GTF2F2: variants seen among roughly 807,000 people sequenced by gnomAD.
The protein encoded by GTF2F2 is ATP-dependent helicase GTF2F2.
Under a neutral mutation model 42.2 loss-of-function variants are expected in GTF2F2, and 23 were observed. The observed-to-expected ratio is 0.55, with a 90% CI of 0.39 to 0.77. The LOEUF is 0.77. Ranked by LOEUF, GTF2F2 falls within the 30% of genes least tolerant of loss-of-function variation. GTF2F2 has a pLI of 0.00. For synonymous variants in GTF2F2, 105 were observed against 100.8 expected (o/e 1.04, Z -0.25); for missense variants, 261 against 287.2 (o/e 0.91, Z 0.66).
chr13:45,200,406 T>C (rs1873118772), intron 4 of GTF2F2, among the ~76,000 whole-genome samples: 2 of 145,488 alleles, frequency 1.4e-5, no homozygotes, highest in Admixed American at 1.4e-4. Context: ...TGGGCTCAGG[T>C]GATCTTCCTG....
chr13:45,270,381 T>G (rs1213838863), intron 7 of GTF2F2, among the ~76,000 whole-genome samples: 1 of 152,188 alleles, frequency 6.6e-6, no homozygotes, highest in Non-Finnish European at 1.5e-5. Flanking sequence ...TAAAGCAAAA[T>G]AATTTGTTTC....
chr13:45,136,623 A>G, intron 1 of GTF2F2, 110 bp from the exon 2 acceptor site: 1 of 629,000 alleles, frequency 1.6e-6, no homozygotes. Flanking sequence ...GTAACTTGAT[A>G]ATGATCCCTT....
chr13:45,131,897 C>CAAAAA lies in GTF2F2; in HGVS notation c.67-4816_67-4812dup, dbSNP rs765260379. Reference sequence around the variant, plus strand: ...TGGGTGACAGAATGAGACCCTGTCTCAAAAAAAAAAAAAAAAAAAAAAAAG... The same window carrying CAAAAA: ...TGGGTGACAGAATGAGACCCTGTCTCAAAAAAAAAAAAAAAAAAAAAAAAAAAAAG... On this transcript the variant is annotated intron_variant, in intron 1 of 7. Coordinates refer to ENST00000340473, the MANE Select transcript of GTF2F2 (RefSeq NM_004128.3). 3.5e-3 allele frequency among the ~76,000 whole-genome samples: 188 copies of CAAAAA among 53,180 alleles called. 4 individuals are homozygous for CAAAAA. The highest frequency in any genetic ancestry group is 9.9e-3 in the African/African-American group (178 of 17,994). The allele number at this position is 53,180 out of a possible 152,430, so 34.9% of individuals were successfully genotyped here.
chr13:45,138,946 G>A (rs781590511), intron 2 of GTF2F2, among the ~76,000 whole-genome samples: 29 of 152,122 alleles, frequency 1.9e-4, no homozygotes, highest in African/African-American at 6.3e-4. Context: ...GTGCCCGGCC[G>A]CGAGTGAAGA....
At chr13:45,131,957 G>A (rs924045854) in intron 1 of GTF2F2, among the ~76,000 whole-genome samples, 46 of 151,262 alleles carry the variant, frequency 3.0e-4, no homozygotes, top group African/African-American at 1.1e-3. Context: ...TCAGACACTG[G>A]GTGGGAAGGA....
At chr13:45,161,914 G>C (rs1293989282) in intron 4 of GTF2F2, among the ~76,000 whole-genome samples, 5 of 152,008 alleles carry the variant, frequency 3.3e-5, no homozygotes, top group Non-Finnish European at 7.4e-5. Context: ...ATTTCTTTTA[G>C]GTATAGTTTA....
intron 1 of GTF2F2, among the ~76,000 whole-genome samples, chr13:45,130,100 C>T (rs908763469): frequency 6.6e-6 from 1 of 152,162 alleles, no homozygotes; most frequent in African/African-American, 2.4e-5. Flanking sequence ...GGAACTGGGT[C>T]ACCTAAGACA....
intron 4 of GTF2F2, among the ~76,000 whole-genome samples, chr13:45,155,638 T>C (rs1870719989): frequency 6.6e-6 from 1 of 152,232 alleles, no homozygotes; most frequent in Non-Finnish European, 1.5e-5. Context: ...CAACATTTTA[T>C]GAACTCAGTT....
chr13:45,150,474 T>C (rs1487280512), intron 3 of GTF2F2, among the ~76,000 whole-genome samples: 3 of 152,046 alleles, frequency 2.0e-5, no homozygotes, highest in Non-Finnish European at 4.4e-5. Flanking sequence ...TCAGAGTAAA[T>C]AGTTCACTTC....
chr13:45,150,736 G>A (rs915572831), intron 3 of GTF2F2, among the ~76,000 whole-genome samples: 9 of 139,926 alleles, frequency 6.4e-5, no homozygotes, highest in African/African-American at 2.1e-4. Context: ...TAGAGACAAC[G>A]TTTTGTCATG....
intron 6 of GTF2F2, among the ~76,000 whole-genome samples, chr13:45,253,939 G>A (rs542589876): frequency 1.1e-4 from 16 of 152,182 alleles, no homozygotes; most frequent in African/African-American, 3.1e-4. Context: ...CGGGCATGGC[G>A]GTGTGTGCCT....
intron 5 of GTF2F2, among the ~76,000 whole-genome samples, chr13:45,225,833 G>A (rs961051069): frequency 6.6e-6 from 1 of 151,986 alleles, no homozygotes; most frequent in African/African-American, 2.4e-5. Context: ...CTTAATATTG[G>A]GACAGTGGTG....
intron 1 of GTF2F2, among the ~76,000 whole-genome samples, chr13:45,129,727 A>G (rs945834157): frequency 1.3e-5 from 2 of 152,254 alleles, no homozygotes; most frequent in Non-Finnish European, 2.9e-5. Context: ...CTGCCTATTC[A>G]GATACGTTCT....
intron 5 of GTF2F2, among the ~76,000 whole-genome samples, chr13:45,229,641 T>C (rs924184588): frequency 9.2e-5 from 14 of 151,368 alleles, no homozygotes; most frequent in African/African-American, 3.4e-4. Context: ...AGAAAAGAGG[T>C]AGGAAAGATG....
At chr13:45,170,985 A>G (rs1307456097) in intron 4 of GTF2F2, among the ~76,000 whole-genome samples, 1 of 152,072 alleles carries the variant, frequency 6.6e-6, no homozygotes, top group Non-Finnish European at 1.5e-5. Flanking sequence ...CAGAAATTAA[A>G]TAGGCAGCAA....
intron 1 of GTF2F2, among the ~76,000 whole-genome samples, chr13:45,131,719 A>G (rs1869357326): frequency 6.6e-6 from 1 of 152,064 alleles, no homozygotes; most frequent in Admixed American, 6.5e-5. Flanking sequence ...CAGGCTAGGC[A>G]ATGTGGTGAG....
chr13:45,246,311 T>A (rs947370175), intron 5 of GTF2F2, among the ~76,000 whole-genome samples: 2 of 151,970 alleles, frequency 1.3e-5, no homozygotes, highest in African/African-American at 4.8e-5. Context: ...GCGCCCGGCC[T>A]ATTTTTTTAT....
chr13:45,164,140 C>T (rs368317305), intron 4 of GTF2F2, among the ~76,000 whole-genome samples: 2 of 152,044 alleles, frequency 1.3e-5, no homozygotes, highest in Admixed American at 6.6e-5. Context: ...ATTAGTCCAG[C>T]GTGGTGGCAG....
chr13:45,138,925 C>T (rs954009741), intron 2 of GTF2F2, among the ~76,000 whole-genome samples: 22 of 152,164 alleles, frequency 1.4e-4, no homozygotes, highest in Admixed American at 9.8e-4. Context: ...GGATTACAGG[C>T]GGTAGCCACT....
Sources: allele counts gnomAD v4.1 joint callset (sites outside exome capture counted in the v4.1 genomes callset), GRCh38; gene constraint gnomAD v4.1.1; transcripts MANE v1.5; gene names NCBI Gene and HGNC (gene_info 2026-07-23, HGNC 2026-07-21).